The following CPNE9 variants were observed in gnomAD, a reference collection of about 807,000 sequenced individuals.
The protein encoded by CPNE9 is copine family member 9.
CPNE9 carries 59 observed loss-of-function variants against 83.0 expected under a neutral mutation model. The ratio of observed to expected loss-of-function variants is 0.71; its 90% CI spans 0.58 to 0.88. The LOEUF is 0.88. Ranked by LOEUF, CPNE9 falls within the 40% of genes least tolerant of loss-of-function variation. The probability of loss-of-function intolerance (pLI) is 0.00; values close to 1 mark genes in which losing one functional copy is unlikely to be tolerated. For synonymous variants in CPNE9, 256 were observed against 273.4 expected, an observed-to-expected ratio of 0.94 and a Z score of 0.63; for missense variants, 619 against 720.8, an observed-to-expected ratio of 0.86 and a Z score of 1.62.
intron 10 of CPNE9, among the ~76,000 whole-genome samples, chr3:9,713,794 G>A (rs2076652169): frequency 1.3e-5 from 2 of 152,098 alleles, no homozygotes; most frequent in African/African-American, 2.4e-5. Flanking sequence ...GGTAGGGGCC[G>A]GGCGCGGTGG....
At chr3:9,719,048 G>T (rs898698289) in intron 17 of CPNE9, among the ~76,000 whole-genome samples, 2 of 151,376 alleles carry the variant, frequency 1.3e-5, no homozygotes, top group Non-Finnish European at 2.9e-5. Flanking sequence ...TGTTGGCCAG[G>T]CTGGTCTTGA....
In CPNE9 at chr3:9,704,457, C is replaced by A; in HGVS notation, c.69-130C>A. The A allele has an allele frequency of 1.2e-6, 1 of 828,968 alleles. No homozygotes were observed. The highest frequency in any genetic ancestry group is 1.7e-5 in the Admixed American group (1 of 58,026). The allele number at this position is 828,968 out of a possible 1,614,324, so 51.4% of individuals were successfully genotyped here. A position where few individuals can be genotyped will look rare whatever the true frequency, so the allele number is the denominator to read the frequency against. On this transcript the variant is annotated intron_variant, in intron 1 of 20. Transcript: ENST00000383832. The surrounding 1 kb of genome is among the most constrained non-coding windows in gnomAD (Gnocchi z 7.1). ...AGAGTGCTGACAGAGCGGACCCCGG[C>A]TGGGGGTAGCCATGGGGGACAGAGG...
chr3:9,727,004 C>A, intron 19 of CPNE9, 109 bp from the exon 20 acceptor site: 1 of 1,131,416 alleles, frequency 8.8e-7, no homozygotes, highest in South Asian at 1.3e-5. Context: ...GACTTGATCA[C>A]AAGCATTAGG....
intron 20 of CPNE9, among the ~76,000 whole-genome samples, chr3:9,728,885 G>A (rs916809549): frequency 6.6e-5 from 10 of 151,712 alleles, no homozygotes; most frequent in African/African-American, 2.4e-4. Context: ...CTGTTCTCAG[G>A]ATCCCTTCTC....
At position 9,705,709 on chromosome 3, in the gene CPNE9, G is replaced by A; in HGVS notation, c.298-9G>A. ...CTTCCTTCTTGGCTGCCACTGCTGGGACCTGCAGAAGGTGAGGCTGAATGG... is the reference window on the plus strand; with the variant it reads ...CTTCCTTCTTGGCTGCCACTGCTGGAACCTGCAGAAGGTGAGGCTGAATGG... On this transcript the variant is annotated splice_polypyrimidine_tract_variant and intron_variant, in intron 5 of 20. Coordinates refer to ENST00000383832, the MANE Select transcript of CPNE9 (RefSeq NM_153635.3). 2 of 1,614,016 alleles carry A rather than the reference G, an allele frequency of 1.2e-6. No individual in the cohort carries two copies. The highest frequency in any genetic ancestry group is 1.7e-6 in the Non-Finnish European group (2 of 1,179,934).
At position 9,704,124 on chromosome 3, in the gene CPNE9, G is replaced by T. The variant is rs2076533891; in HGVS notation, c.68+60G>T. The stretch of plus-strand genomic sequence containing the variant: ...GGCACTGCCCCAGCCCCAGCCAGCC[G>T]CGGGGCTCAGCCTGGGCAGGGGCTA... On this transcript the variant is annotated intron_variant, in intron 1 of 20. Transcript: ENST00000383832. The surrounding 1 kb of genome is among the most constrained non-coding windows in gnomAD (Gnocchi z 7.1). 1 of 1,508,470 alleles carries T rather than the reference G, an allele frequency of 6.6e-7. No individual in the cohort carries two copies. Among genetic ancestry groups the T allele is most frequent in the South Asian group, 1.2e-5 (1 of 84,400 alleles). 93.4% of individuals were successfully genotyped at this position (1,508,470 alleles called of 1,614,324 possible).
chr3:9,727,487 A>G (rs976005156), intron 20 of CPNE9: 3 of 703,488 alleles, frequency 4.3e-6, no homozygotes, highest in South Asian at 3.0e-5. Flanking sequence ...CCAGAGGAAT[A>G]GCAAATGCCA....
rs371259735 is a variant in CPNE9 at position 9,717,130 on chromosome 3, C to T, written c.931+26C>T. ...GTGAGACACGGATGAGTGAAAAAGT[C>T]GGAGGTGGGAAGGCACTTCTAAGGG... On this transcript the variant is annotated intron_variant, in intron 15 of 20. Transcript: ENST00000383832. 6.8e-6 allele frequency: 11 copies of T among 1,613,310 alleles called. No individual in the cohort carries two copies. The South Asian group carries it at 7.7e-5, about 11-fold the overall frequency.
intron 20 of CPNE9, 117 bp from the exon 21 acceptor site, chr3:9,729,390 G>A (rs2076809807): frequency 7.2e-7 from 1 of 1,386,618 alleles, no homozygotes; most frequent in Non-Finnish European, 9.6e-7. Flanking sequence ...TGTGGAGAGG[G>A]AGATACTGTG....
chr3:9,713,218 G>C, intron 10 of CPNE9, 139 bp downstream of exon 10: 1 of 665,978 alleles, frequency 1.5e-6, no homozygotes, highest in Non-Finnish European at 2.6e-6. Context: ...CATGAGGTTG[G>C]GTGGATGGAC....
At chr3:9,716,267 C>A (rs112059147) in intron 14 of CPNE9, among the ~76,000 whole-genome samples, 1 of 152,146 alleles carries the variant, frequency 6.6e-6, no homozygotes, top group Non-Finnish European at 1.5e-5. Context: ...GGGAAGATGG[C>A]TCCCAGACCA....
intron 10 of CPNE9, among the ~76,000 whole-genome samples, chr3:9,714,639 TAAAAAAAAAAAA>T (rs34491669): frequency 0.013 from 1,355 of 103,358 alleles, 31 homozygotes; most frequent in African/African-American, 0.037. Flanking sequence ...CTCAAAGTGG[TAAAAAAAAAAAA>T]AAAAAAAAAA....
In CPNE9 at chr3:9,718,489, G is replaced by A. The variant is rs1445299064; in HGVS notation, c.1128G>A (p.Glu376=). Residue 376 remains glutamate (E), a synonymous_variant, in exon 17 of 21, where the codon GAG becomes GAA. Coordinates refer to ENST00000383832, the MANE Select transcript of CPNE9 (RefSeq NM_153635.3). The part of the protein sequence containing the change: ...SHQFPLNNND[E]DPNCAGIEGV... ...TTCTTTGACAGAACAACAATGATGAGGACCCCAACTGTGCGGGCATCGAGG... is the reference window on the plus strand; with the variant it reads ...TTCTTTGACAGAACAACAATGATGAAGACCCCAACTGTGCGGGCATCGAGG... 2 of 1,613,176 alleles carry A rather than the reference G, an allele frequency of 1.2e-6. No homozygotes were observed. The highest frequency in any genetic ancestry group is 1.7e-6 in the Non-Finnish European group (2 of 1,179,784).
intron 17 of CPNE9, among the ~76,000 whole-genome samples, chr3:9,723,851 T>A (rs1309947131): frequency 6.6e-6 from 1 of 152,234 alleles, no homozygotes; most frequent in African/African-American, 2.4e-5. Context: ...TCCCCAAAGC[T>A]ATTTTATAAT....
chr3:9,723,237 C>T (rs2076749218), intron 17 of CPNE9, among the ~76,000 whole-genome samples: 2 of 151,968 alleles, frequency 1.3e-5, no homozygotes, highest in African/African-American at 2.4e-5. Context: ...TTTGGGAGGC[C>T]GAGGCGGGCG....
chr3:9,722,314 T>C lies in CPNE9; in HGVS notation c.1242-3635T>C, dbSNP rs374416751. Among the ~76,000 whole-genome samples the C allele has an allele frequency of 3.1e-4, 47 of 152,314 alleles. 1 individual carries two copies. Among genetic ancestry groups the C allele is most frequent in the African/African-American group, 1.1e-3 (44 of 41,560 alleles). Reference sequence around the variant, plus strand: ...GTATGTCAAGTGTACATCTGTGATTTTGATGATCACAATGGACTCTGCTGT... The same window carrying C: ...GTATGTCAAGTGTACATCTGTGATTCTGATGATCACAATGGACTCTGCTGT... On this transcript the variant is annotated intron_variant, in intron 17 of 20. Coordinates refer to ENST00000383832, the MANE Select transcript of CPNE9 (RefSeq NM_153635.3).
In CPNE9 at chr3:9,725,999, T is replaced by C. The variant is rs761585275; in HGVS notation, c.1292T>C (p.Ile431Thr). Residue 431 changes from isoleucine to threonine, a missense_variant, in exon 18 of 21, where the codon ATC (isoleucine) becomes ACC (threonine). By Grantham distance (89) the Ile-to-Thr change is moderately conservative. Around this residue, in one of 3 missense-constraint regions of CPNE9, gnomAD observed 438 missense variants for 562.9 expected, o/e 0.78. Transcript: ENST00000383832. The stretch of plus-strand genomic sequence containing the variant: ...TCCCAGTACTATGTTCTGCTCATCA[T>C]CACTGATGGGGTCATCTCTGACATG... ...DGSQYYVLLI[I>T]TDGVISDMTQ... 6.2e-7 allele frequency: 1 copy of C among 1,613,032 alleles called. No homozygotes were observed. Among genetic ancestry groups the C allele is most frequent in the South Asian group, 1.1e-5 (1 of 91,020 alleles).
rs374824467 is a variant in CPNE9 at position 9,718,147 on chromosome 3, C to T, written c.1050C>T (p.Phe350=). ...AGGACTATGACAGTGATAAGCTCTT[C>T]CCAGCTTATGGCTTTGGGGCCAAGC... ...IIQDYDSDKL[F]PAYGFGAKLP... Residue 350 remains phenylalanine, a synonymous_variant, in exon 16 of 21, where the codon TTC becomes TTT. Coordinates refer to ENST00000383832, the MANE Select transcript of CPNE9 (RefSeq NM_153635.3). 4 of 1,613,974 alleles carry T rather than the reference C, an allele frequency of 2.5e-6. No homozygotes were observed. The highest frequency in any genetic ancestry group is 3.3e-5 in the Admixed American group (2 of 59,992).
At chr3:9,722,066 C>T (rs1190644138) in intron 17 of CPNE9, among the ~76,000 whole-genome samples, 1 of 151,918 alleles carries the variant, frequency 6.6e-6, no homozygotes, top group African/African-American at 2.4e-5. Flanking sequence ...TACAGGTGCG[C>T]ACCACCATGC....
Sources: allele counts gnomAD v4.1 joint callset (sites outside exome capture counted in the v4.1 genomes callset), GRCh38; gene constraint gnomAD v4.1.1; regional missense constraint gnomAD v4.1.1; non-coding constraint Gnocchi (gnomAD v3.1); transcripts MANE v1.5; gene names NCBI Gene and HGNC (gene_info 2026-07-23, HGNC 2026-07-21).